Variants in DOCK2 observed in about 807,000 individuals in gnomAD.
DOCK2 encodes dedicator of cytokinesis protein 2.
Under a neutral mutation model 248.9 loss-of-function variants are expected in DOCK2, and 87 were observed. The observed-to-expected ratio is 0.35, with a 90% CI of 0.29 to 0.42. The LOEUF (loss-of-function observed/expected upper bound fraction) is 0.42, where lower values mean the gene tolerates loss of function less well. DOCK2 is among the 10% of genes least tolerant of loss of function. The pLI, the probability that DOCK2 is intolerant of heterozygous loss-of-function variation, is 1.00. For missense variants in DOCK2, 1,747 were observed against 2,300.2 expected (o/e 0.76, Z 4.92); for synonymous variants, 805 against 821.6 (o/e 0.98, Z 0.35).
intron 6 of DOCK2, among the ~76,000 whole-genome samples, chr5:169,677,791 T>C (rs1053539730): frequency 7.2e-5 from 11 of 152,224 alleles, no homozygotes; most frequent in African/African-American, 2.7e-4. Flanking sequence ...AGTGACTTTA[T>C]TTCCGAAGCC....
intron 27 of DOCK2, among the ~76,000 whole-genome samples, chr5:169,854,358 G>A (rs1770784877): frequency 6.6e-6 from 1 of 151,838 alleles, no homozygotes. Flanking sequence ...ACTAATTTTT[G>A]TATTTTAGTA....
chr5:169,833,765 G>A (rs910629914), intron 26 of DOCK2, among the ~76,000 whole-genome samples: 2 of 152,140 alleles, frequency 1.3e-5, no homozygotes, highest in South Asian at 2.1e-4. Flanking sequence ...CTTTCCTCCC[G>A]TTCATCTCCT....
chr5:169,795,495 T>C (rs538499917), intron 25 of DOCK2, among the ~76,000 whole-genome samples: 1 of 152,054 alleles, frequency 6.6e-6, no homozygotes, highest in Non-Finnish European at 1.5e-5. Context: ...AAGTGACTCA[T>C]GGGGAGCTGC....
chr5:169,849,773 T>C (rs1460806301), intron 27 of DOCK2, among the ~76,000 whole-genome samples: 1 of 152,238 alleles, frequency 6.6e-6, no homozygotes, highest in East Asian at 1.9e-4. Context: ...CTCCTTCTCC[T>C]TCTGCCTTTA....
At chr5:169,988,516 AT>A (rs542131405) in intron 29 of DOCK2, among the ~76,000 whole-genome samples, 105 of 151,956 alleles carry the variant, frequency 6.9e-4, no homozygotes, top group African/African-American at 2.5e-3. Flanking sequence ...TGTTTTATTT[AT>A]TTATTTATTT....
intron 35 of DOCK2, among the ~76,000 whole-genome samples, chr5:170,035,371 G>A (rs1756289159): frequency 6.6e-6 from 1 of 152,128 alleles, no homozygotes; most frequent in African/African-American, 2.4e-5. Context: ...GCTCTGTTGT[G>A]TGGCCTCCCT....
chr5:169,932,599 G>C (rs1775808061), intron 27 of DOCK2, among the ~76,000 whole-genome samples: 1 of 152,162 alleles, frequency 6.6e-6, no homozygotes, highest in Admixed American at 6.5e-5. Flanking sequence ...TGACCACAAG[G>C]TGAGGGCCAG....
chr5:169,671,771 A>T (rs994671369), intron 5 of DOCK2, among the ~76,000 whole-genome samples: 1 of 152,352 alleles, frequency 6.6e-6, no homozygotes, highest in East Asian at 1.9e-4. Flanking sequence ...GGCTTACTGC[A>T]TGTTTATTAT....
chr5:169,852,016 A>G (rs1373595216), intron 27 of DOCK2, among the ~76,000 whole-genome samples: 1 of 152,148 alleles, frequency 6.6e-6, no homozygotes, highest in Non-Finnish European at 1.5e-5. Flanking sequence ...GGCCCTGGGG[A>G]AGCTGGTGCC....
At chr5:170,000,958 A>C (rs1017635990) in intron 30 of DOCK2, among the ~76,000 whole-genome samples, 1 of 152,222 alleles carries the variant, frequency 6.6e-6, no homozygotes, top group Non-Finnish European at 1.5e-5. Context: ...CAGAGGGAGC[A>C]GTCATCAAAG....
At chr5:169,946,607 T>C (rs919980645) in intron 27 of DOCK2, among the ~76,000 whole-genome samples, 1 of 152,238 alleles carries the variant, frequency 6.6e-6, no homozygotes, top group Non-Finnish European at 1.5e-5. Flanking sequence ...TCCACCAGTC[T>C]ACTGAGGACT....
chr5:169,996,016 T>A, intron 29 of DOCK2, 70 bp from the exon 30 acceptor site: 3 of 1,536,328 alleles, frequency 2.0e-6, no homozygotes, highest in Non-Finnish European at 2.7e-6. Context: ...GGAATTTTAG[T>A]CTGGCATAAG....
chr5:169,894,351 C>T lies in DOCK2; in HGVS notation c.2799+53499C>T, dbSNP rs138037261. On this transcript the variant is annotated intron_variant, in intron 27 of 51. Coordinates refer to ENST00000520908, the MANE Select transcript of DOCK2 (RefSeq NM_004946.3). ...CTCTTAGAGGTGCCTTGGGTGGGGG[C>T]TGGCAGGATTGGCCCACAGCATGAC... Among the ~76,000 whole-genome samples the T allele has an allele frequency of 2.4e-3, 373 of 152,262 alleles. 2 individuals carry two copies. Among genetic ancestry groups the T allele is most frequent in the African/African-American group, 8.5e-3 (353 of 41,556 alleles).
At position 169,961,159 on chromosome 5, in the gene DOCK2, A is replaced by G. The variant is rs149809244; in HGVS notation, c.2800-21909A>G. Among the ~76,000 whole-genome samples, 17 of 152,322 alleles carry G rather than the reference A, an allele frequency of 1.1e-4. 1 individual carries two copies. In the East Asian group the frequency reaches 3.3e-3, roughly 29 times the overall value. ...AGGGAGATCAGTCATATGTCCTACA[A>G]TTGTCATTGGCCATAGATGAGGGGG... On this transcript the variant is annotated intron_variant, in intron 27 of 51. Coordinates refer to ENST00000520908, the MANE Select transcript of DOCK2 (RefSeq NM_004946.3).
At chr5:170,042,726 C>G (rs977556036) in intron 38 of DOCK2, among the ~76,000 whole-genome samples, 1 of 152,346 alleles carries the variant, frequency 6.6e-6, no homozygotes, top group Non-Finnish European at 1.5e-5. Flanking sequence ...CACCACTAGG[C>G]AAACCAGCAG....
At chr5:169,886,670 G>A (rs1581359877) in intron 27 of DOCK2, among the ~76,000 whole-genome samples, 1 of 152,220 alleles carries the variant, frequency 6.6e-6, no homozygotes, top group Admixed American at 6.5e-5. Context: ...AGAGTAAGCA[G>A]TTGAAATTTG....
intron 23 of DOCK2, among the ~76,000 whole-genome samples, 165 bp downstream of exon 23, chr5:169,747,669 C>A (rs543083588): frequency 6.6e-6 from 1 of 152,156 alleles, no homozygotes; most frequent in Non-Finnish European, 1.5e-5. Context: ...CAAGAGAAAA[C>A]GTATTTATTG....
chr5:169,658,102 A>C (rs543835507), intron 2 of DOCK2, among the ~76,000 whole-genome samples: 107 of 152,344 alleles, frequency 7.0e-4, no homozygotes, highest in Non-Finnish European at 1.2e-3. Context: ...ATTTTAGAGA[A>C]GTTTTCAGGA....
At chr5:169,749,680 C>T (rs1378448398) in intron 23 of DOCK2, among the ~76,000 whole-genome samples, 1 of 152,216 alleles carries the variant, frequency 6.6e-6, no homozygotes, top group Non-Finnish European at 1.5e-5. Context: ...AGACCATACT[C>T]ACTACCACGG....
Sources: gnomAD v4.1 joint callset for allele counts (sites outside exome capture counted in the v4.1 genomes callset) on GRCh38, gnomAD v4.1.1 for gene constraint, MANE v1.5 for transcripts, NCBI Gene and HGNC (gene_info 2026-07-23, HGNC 2026-07-21) for gene names.